Variants in CAMTA1 observed in about 807,000 individuals in gnomAD.
CAMTA1 encodes calmodulin binding transcription activator 1, also known as calmodulin-binding transcription activator 1.
In CAMTA1, 27 loss-of-function variants were observed where a neutral mutation model predicts 170.9. The observed-to-expected ratio is 0.16, with a 90% confidence interval of 0.12 to 0.22. The LOEUF (loss-of-function observed/expected upper bound fraction) is 0.22, where lower values mean the gene tolerates loss of function less well. CAMTA1 is among the 10% of genes least tolerant of loss of function. CAMTA1 has a pLI of 1.00. For missense variants in CAMTA1, 1,619 were observed against 2,217.2 expected, an observed-to-expected ratio of 0.73 and a Z score of 5.42; for synonymous variants, 833 against 891.5, an observed-to-expected ratio of 0.93 and a Z score of 1.17.
rs146366963 is a variant in CAMTA1 at position 7,221,089 on chromosome 1, C to T, written c.303-28402C>T. Among the ~76,000 whole-genome samples, 903 of 152,330 alleles carry T rather than the reference C, an allele frequency of 5.9e-3. 21 individuals carry two copies. Among genetic ancestry groups the T allele is most frequent in the East Asian group, 0.041 (212 of 5,174 alleles). On this transcript the variant is annotated intron_variant, in intron 4 of 22. Coordinates refer to ENST00000303635, the MANE Select transcript of CAMTA1 (RefSeq NM_015215.4). The stretch of plus-strand genomic sequence containing the variant: ...CACGGCACCAGCACAGATGAATGGC[C>T]CGGCTTTCTCAGAACCCATCCCCTG...
At chr1:7,411,315 G>T (rs1045424178) in intron 5 of CAMTA1, among the ~76,000 whole-genome samples, 2 of 152,166 alleles carry the variant, frequency 1.3e-5, no homozygotes, top group Non-Finnish European at 2.9e-5. Flanking sequence ...GACTGACGCA[G>T]GATGTTTCAG....
rs1208597489 is a variant in CAMTA1, at chr1:7,561,117, C to T, written c.511-79283C>T. Among the ~76,000 whole-genome samples the T allele has an allele frequency of 6.6e-6, 1 of 152,080 alleles. No homozygotes were observed. The highest frequency in any genetic ancestry group is 2.4e-5 in the African/African-American group (1 of 41,428). The stretch of plus-strand genomic sequence containing the variant: ...CATTGCTGTCCTTTCTGAACAACGC[C>T]CAAGAATCCAGGCATGGCCAGGGGC... On this transcript the variant is annotated intron_variant, in intron 6 of 22. Transcript: ENST00000303635. This position sits in a 1 kb window ranked among gnomAD's most constrained non-coding sequence, Gnocchi z 5.3.
At chr1:7,226,226 T>A (rs756459095) in intron 4 of CAMTA1, among the ~76,000 whole-genome samples, 10 of 152,172 alleles carry the variant, frequency 6.6e-5, no homozygotes, top group Non-Finnish European at 1.3e-4. Context: ...CAAAGCTCAC[T>A]GCCTCCCCCT....
At chr1:7,496,113 C>T (rs1196049311) in intron 6 of CAMTA1, among the ~76,000 whole-genome samples, 1 of 152,214 alleles carries the variant, frequency 6.6e-6, no homozygotes, top group African/African-American at 2.4e-5. Context: ...ACCCAGAGGG[C>T]CGGCTCAGAG....
At chr1:7,003,996 A>C (rs78450041) in intron 3 of CAMTA1, among the ~76,000 whole-genome samples, 3,481 of 152,280 alleles carry the variant, frequency 0.023, 128 homozygotes, top group African/African-American at 0.079. Flanking sequence ...TTTAAACTGT[A>C]AGCTGTTCTG....
intron 22 of CAMTA1, among the ~76,000 whole-genome samples, chr1:7,762,165 CT>C (rs2096981019): frequency 1.3e-5 from 2 of 152,098 alleles, no homozygotes; most frequent in Admixed American, 1.3e-4. Context: ...AAAATAAAAG[CT>C]AACAAGCAGG....
intron 5 of CAMTA1, among the ~76,000 whole-genome samples, chr1:7,338,912 G>A (rs2083588917): frequency 6.6e-6 from 1 of 152,190 alleles, no homozygotes; most frequent in Admixed American, 6.5e-5. Flanking sequence ...AAGCATGGCT[G>A]GAGAGGCCTC....
At chr1:6,928,105 A>G (rs1683681083) in intron 3 of CAMTA1, among the ~76,000 whole-genome samples, 1 of 152,180 alleles carries the variant, frequency 6.6e-6, no homozygotes, top group African/African-American at 2.4e-5. Flanking sequence ...CAGCGCTGGA[A>G]GGGGCATCTT....
At chr1:7,238,640 T>C (rs150300452) in intron 4 of CAMTA1, among the ~76,000 whole-genome samples, 2 of 152,334 alleles carry the variant, frequency 1.3e-5, no homozygotes, top group African/African-American at 4.8e-5. Flanking sequence ...TCCCAGCACT[T>C]TGGGAGGCCA....
intron 3 of CAMTA1, among the ~76,000 whole-genome samples, chr1:7,005,911 C>G (rs963963865): frequency 6.6e-6 from 1 of 152,212 alleles, no homozygotes; most frequent in Non-Finnish European, 1.5e-5. Flanking sequence ...GGTGGCCCCT[C>G]AGTGGAGGGA....
At chr1:7,548,436 G>A (rs1365475965) in intron 6 of CAMTA1, among the ~76,000 whole-genome samples, 5 of 151,176 alleles carry the variant, frequency 3.3e-5, no homozygotes, top group Admixed American at 1.3e-4. Context: ...CCCCTTAGGA[G>A]TGGAGGTGCT....
intron 3 of CAMTA1, among the ~76,000 whole-genome samples, chr1:7,009,366 G>C (rs2100752246): frequency 6.6e-6 from 1 of 152,306 alleles, no homozygotes; most frequent in Admixed American, 6.5e-5. Flanking sequence ...GGAAACCCGG[G>C]TCTGTGTCCT....
At chr1:6,956,835 C>T (rs989683813) in intron 3 of CAMTA1, among the ~76,000 whole-genome samples, 6 of 152,244 alleles carry the variant, frequency 3.9e-5, no homozygotes, top group Non-Finnish European at 8.8e-5. Flanking sequence ...ACCAGGGATG[C>T]TTTCTGCCTT....
At chr1:7,500,279 C>T (rs372389858) in intron 6 of CAMTA1, among the ~76,000 whole-genome samples, 2,845 of 54,012 alleles carry the variant, frequency 0.053, 43 homozygotes, top group South Asian at 0.14. Context: ...GGTGTGCGTG[C>T]ATATGTATAT....
intron 3 of CAMTA1, among the ~76,000 whole-genome samples, chr1:6,842,313 G>A (rs1570771606): frequency 1.3e-5 from 2 of 152,262 alleles, no homozygotes; most frequent in Middle Eastern, 3.4e-3. Flanking sequence ...GTGTAAAAAC[G>A]CCCTCGCCGT....
Position 7,297,788 on chromosome 1 carries a change from G to T in CAMTA1, c.438+48162G>T, listed in dbSNP as rs6677554. On this transcript the variant is annotated intron_variant, in intron 5 of 22. Transcript: ENST00000303635. Reference sequence around the variant, plus strand: ...GGCAAACATGGGGCTTATCTTGTGTGTTTTTTTTCTGGCAGAACCACAGTC... The same window carrying T: ...GGCAAACATGGGGCTTATCTTGTGTTTTTTTTTTCTGGCAGAACCACAGTC... Among the ~76,000 whole-genome samples, 170 of 152,076 alleles carry T rather than the reference G, an allele frequency of 1.1e-3. 1 individual carries two copies. Among genetic ancestry groups the T allele is most frequent in the African/African-American group, 3.6e-3 (151 of 41,476 alleles).
At position 7,674,289 on chromosome 1, in the gene CAMTA1, G is replaced by T. The variant is rs989938208; in HGVS notation, c.2779+3252G>T. 1.3e-5 allele frequency among the ~76,000 whole-genome samples: 2 copies of T among 152,160 alleles called. No homozygotes were observed. The highest frequency in any genetic ancestry group is 4.8e-5 in the African/African-American group (2 of 41,436). On this transcript the variant is annotated intron_variant, in intron 10 of 22. Coordinates refer to ENST00000303635, the MANE Select transcript of CAMTA1 (RefSeq NM_015215.4). The surrounding 1 kb of genome is among the most constrained non-coding windows in gnomAD (Gnocchi z 4.1). ...TGTGTCTTCTGCAAGACTCCAGGGTGCTTCAGGGGCAGGAGGGAGCCCACC... is the reference window on the plus strand; with the variant it reads ...TGTGTCTTCTGCAAGACTCCAGGGTTCTTCAGGGGCAGGAGGGAGCCCACC...
chr1:7,351,151 A>G lies in CAMTA1; in HGVS notation c.438+101525A>G, dbSNP rs530805896. 4.6e-5 allele frequency among the ~76,000 whole-genome samples: 7 copies of G among 152,392 alleles called. No homozygotes were observed. In the East Asian group the frequency reaches 1.2e-3, roughly 25 times the overall value. ...GTGACCCCCAGGACTTGACAGAGACAGGGCCATCTGCCAAAGTGAGCATTT... is the reference window on the plus strand; with the variant it reads ...GTGACCCCCAGGACTTGACAGAGACGGGGCCATCTGCCAAAGTGAGCATTT... On this transcript the variant is annotated intron_variant, in intron 5 of 22. Transcript: ENST00000303635.
At chr1:7,461,254 C>T (rs2093081195) in intron 5 of CAMTA1, among the ~76,000 whole-genome samples, 1 of 152,160 alleles carries the variant, frequency 6.6e-6, no homozygotes, top group African/African-American at 2.4e-5. Flanking sequence ...CATACGGACT[C>T]CCCAAGTCCT....
Sources: allele counts gnomAD v4.1 joint callset (sites outside exome capture counted in the v4.1 genomes callset), GRCh38; gene constraint gnomAD v4.1.1; non-coding constraint Gnocchi (gnomAD v3.1); transcripts MANE v1.5; gene names NCBI Gene and HGNC (gene_info 2026-07-23, HGNC 2026-07-21).